Variants in SMAD2 observed in about 807,000 individuals in gnomAD.
The protein encoded by SMAD2 is SMAD family member 2.
A neutral mutation model predicts 64.4 loss-of-function variants in SMAD2; 8 were observed. The ratio of observed to expected loss-of-function variants is 0.12; its 90% CI spans 0.07 to 0.22. The LOEUF (loss-of-function observed/expected upper bound fraction) is 0.22, where lower values mean the gene tolerates loss of function less well. SMAD2 is among the 10% of genes least tolerant of loss of function. SMAD2 has a pLI of 1.00. For missense variants in SMAD2, 289 were observed against 561.2 expected, an observed-to-expected ratio of 0.51 and a Z score of 4.90; for synonymous variants, 203 against 195.8, an observed-to-expected ratio of 1.04 and a Z score of -0.31.
Position 47,813,570 on chromosome 18 carries a change from C to CT in SMAD2, c.*28256dup, listed in dbSNP as rs1320199985. On this transcript the variant is annotated 3_prime_UTR_variant, in exon 11 of 11. Coordinates refer to ENST00000262160, the MANE Select transcript of SMAD2 (RefSeq NM_005901.6). ...TACAGGCACACACCACCACACCCGGCTAATTTTCTGCATTTTTAGTACAGA... is the reference window on the plus strand; with the variant it reads ...TACAGGCACACACCACCACACCCGGCTTAATTTTCTGCATTTTTAGTACAGA... 10 of 151,948 alleles carry CT rather than the reference C, an allele frequency of 6.6e-5. No homozygotes were observed. Among genetic ancestry groups the CT allele is most frequent in the African/African-American group, 2.4e-4 (10 of 41,336 alleles). The allele number at this position is 151,948 out of a possible 1,614,324, so 9.4% of individuals were successfully genotyped here.
chr18:47,885,132 T>TATACACACACAC (rs1399778516), intron 2 of SMAD2, among the ~76,000 whole-genome samples: 5 of 142,190 alleles, frequency 3.5e-5, no homozygotes, highest in South Asian at 2.3e-4. Flanking sequence ...TTTAGTCATA[T>TATACACACACAC]ACACACACAC....
At chr18:47,858,820 A>G (rs1454448939) in intron 6 of SMAD2, among the ~76,000 whole-genome samples, 7 of 152,188 alleles carry the variant, frequency 4.6e-5, no homozygotes. Context: ...AACAAAAATT[A>G]TTTGATTAGT....
chr18:47,886,566 TATCC>T lies in SMAD2; in HGVS notation c.236+9951_236+9954del, dbSNP rs1555655790. Among the ~76,000 whole-genome samples the T allele has an allele frequency of 1.4e-3, 174 of 124,312 alleles. 1 individual carries two copies. The highest frequency in any genetic ancestry group is 5.0e-3 in the African/African-American group (155 of 31,024). 81.6% of individuals were successfully genotyped at this position (124,312 alleles called of 152,430 possible). ...ATTTCAGAGAAACTATATCTATATC[TATCC>T]ATCTATCTATCTATCTATCTATCTA... On this transcript the variant is annotated intron_variant, in intron 2 of 10. Transcript: ENST00000262160.
intron 1 of SMAD2, among the ~76,000 whole-genome samples, chr18:47,904,467 G>A (rs1243626567): frequency 6.6e-6 from 1 of 151,976 alleles, no homozygotes; most frequent in African/African-American, 2.4e-5. Flanking sequence ...CACGGGAAGG[G>A]AGGAAACATT....
chr18:47,910,313 G>C (rs535422998), intron 1 of SMAD2, among the ~76,000 whole-genome samples: 1 of 151,866 alleles, frequency 6.6e-6, no homozygotes, highest in South Asian at 2.1e-4. Flanking sequence ...ACTAGCTCCA[G>C]ATGATGAGGA....
rs2033440049 is a variant in SMAD2, at chr18:47,896,391, T to C, written c.236+130A>G. 6 of 932,502 alleles carry C rather than the reference T, an allele frequency of 6.4e-6. No individual in the cohort carries two copies. The South Asian group carries it at 7.3e-5, about 11-fold the overall frequency. The allele number at this position is 932,502 out of a possible 1,614,324, so 57.8% of individuals were successfully genotyped here. A position where few individuals can be genotyped will look rare whatever the true frequency, so the allele number is the denominator to read the frequency against. ...CAAGTCAGCTAGCAAAAACAATTTA[T>C]ACAAGGTTAAAAACAGTCATATTTC... On this transcript the variant is annotated intron_variant, in intron 2 of 10. Coordinates refer to ENST00000262160, the MANE Select transcript of SMAD2 (RefSeq NM_005901.6).
At chr18:47,861,768 C>A (rs900600548) in intron 6 of SMAD2, among the ~76,000 whole-genome samples, 1 of 152,206 alleles carries the variant, frequency 6.6e-6, no homozygotes, top group African/African-American at 2.4e-5. Context: ...CTTTCCTTCA[C>A]ATCTTTGTGC....
At chr18:47,847,000 C>T (rs1434030971) in intron 8 of SMAD2, among the ~76,000 whole-genome samples, 1 of 151,798 alleles carries the variant, frequency 6.6e-6, no homozygotes, top group Non-Finnish European at 1.5e-5. Flanking sequence ...AACACTAAGT[C>T]CAAAAAGTAG....
At chr18:47,925,075 G>C (rs1387594434) in intron 1 of SMAD2, among the ~76,000 whole-genome samples, 1 of 152,122 alleles carries the variant, frequency 6.6e-6, no homozygotes, top group Non-Finnish European at 1.5e-5. Context: ...CACAAAATGA[G>C]GGAAGGTATG....
rs888347340 is a variant in SMAD2 at position 47,820,322 on chromosome 18, T to G, written c.*21505A>C. The G allele has an allele frequency of 6.6e-6, 1 of 152,200 alleles. No homozygotes were observed. 9.4% of individuals were successfully genotyped at this position (152,200 alleles called of 1,614,324 possible). A position where few individuals can be genotyped will look rare whatever the true frequency, so the allele number is the denominator to read the frequency against. The stretch of plus-strand genomic sequence containing the variant: ...GGTTTTCACTAAAAATTAAGGTTAA[T>G]AAGTTAAAATTTGAAAATACACAAT... On this transcript the variant is annotated 3_prime_UTR_variant, in exon 11 of 11. Coordinates refer to ENST00000262160, the MANE Select transcript of SMAD2 (RefSeq NM_005901.6).
chr18:47,899,239 T>C (rs1211989984), intron 1 of SMAD2, among the ~76,000 whole-genome samples: 1 of 152,146 alleles, frequency 6.6e-6, no homozygotes, highest in East Asian at 1.9e-4. Context: ...AGTGTTGTGT[T>C]AGTCAAACTA....
At position 47,847,073 on chromosome 18, in the gene SMAD2, A is replaced by G. The variant is rs562472278; in HGVS notation, c.998-1273T>C. Among the ~76,000 whole-genome samples the G allele has an allele frequency of 4.6e-5, 7 of 152,306 alleles. No homozygotes were observed. The South Asian group carries it at 1.2e-3, about 27-fold the overall frequency. On this transcript the variant is annotated intron_variant, in intron 8 of 10. Coordinates refer to ENST00000262160, the MANE Select transcript of SMAD2 (RefSeq NM_005901.6). ...ATAAAACTAGAAATAAAAAATTTAAAAAAATCCAATAACGACAGCAATCTA... is the reference window on the plus strand; with the variant it reads ...ATAAAACTAGAAATAAAAAATTTAAGAAAATCCAATAACGACAGCAATCTA...
chr18:47,854,082 A>C (rs535809381), intron 6 of SMAD2, among the ~76,000 whole-genome samples: 11 of 136,538 alleles, frequency 8.1e-5, no homozygotes, highest in African/African-American at 3.2e-4. Flanking sequence ...AATTAATAGA[A>C]GCCTTTAAAA....
In SMAD2 at chr18:47,820,126, A is replaced by C. The variant is rs560643068; in HGVS notation, c.*21701T>G. 6.6e-5 allele frequency: 10 copies of C among 152,332 alleles called. No homozygotes were observed. The highest frequency in any genetic ancestry group is 3.9e-4 in the Admixed American group (6 of 15,298). The allele number at this position is 152,332 out of a possible 1,614,324, so 9.4% of individuals were successfully genotyped here. On this transcript the variant is annotated 3_prime_UTR_variant, in exon 11 of 11. Coordinates refer to ENST00000262160, the MANE Select transcript of SMAD2 (RefSeq NM_005901.6). ...ATGTCTGGATCATTTCCAAAAAAAAACAATAAACTGCTGAAAATATTAGTT... is the reference window on the plus strand; with the variant it reads ...ATGTCTGGATCATTTCCAAAAAAAACCAATAAACTGCTGAAAATATTAGTT...
At chr18:47,895,725 G>A (rs539511012) in intron 2 of SMAD2, 1 of 152,280 alleles carries the variant, frequency 6.6e-6, no homozygotes, top group Non-Finnish European at 1.5e-5. Flanking sequence ...GTGTTATTGG[G>A]ATCTGTTATC....
At chr18:47,847,290 A>T (rs751419177) in intron 8 of SMAD2, among the ~76,000 whole-genome samples, 1 of 152,178 alleles carries the variant, frequency 6.6e-6, no homozygotes. Context: ...CAAGTAATAG[A>T]TCTTCTAGTC....
chr18:47,917,660 A>T (rs2034389325), intron 1 of SMAD2, among the ~76,000 whole-genome samples: 4 of 152,098 alleles, frequency 2.6e-5, no homozygotes, highest in South Asian at 2.1e-4. Flanking sequence ...TGGTAAAAAA[A>T]TTTTTAATGG....
chr18:47,923,140 C>G (rs1598903607), intron 1 of SMAD2, among the ~76,000 whole-genome samples: 1 of 144,914 alleles, frequency 6.9e-6, no homozygotes, highest in Non-Finnish European at 1.5e-5. Context: ...AACTTGTAAA[C>G]ACGTAACTTA....
chr18:47,840,757 A>C lies in SMAD2; in HGVS notation c.*1070T>G, dbSNP rs1014108671. On this transcript the variant is annotated 3_prime_UTR_variant, in exon 11 of 11. Transcript: ENST00000262160. ...TCGAAGAGCAGAAGGTCTGCTGTTG[A>C]AATATTGTAAAATACCTTTGGAAAA... 2 of 231,372 alleles carry C rather than the reference A, an allele frequency of 8.6e-6. No individual in the cohort carries two copies. The allele number at this position is 231,372 out of a possible 1,614,324, so 14.3% of individuals were successfully genotyped here.
Sources: gnomAD v4.1 joint callset for allele counts (sites outside exome capture counted in the v4.1 genomes callset) on GRCh38, gnomAD v4.1.1 for gene constraint, MANE v1.5 for transcripts, NCBI Gene and HGNC (gene_info 2026-07-23, HGNC 2026-07-21) for gene names.